The following POLR2F variants were observed in gnomAD, a reference collection of about 807,000 sequenced individuals.
POLR2F encodes RNA polymerase II, I and III subunit F.
In POLR2F, 12 loss-of-function variants were observed where a neutral mutation model predicts 22.7. The ratio of observed to expected loss-of-function variants is 0.53; its 90% CI spans 0.34 to 0.86. The LOEUF is 0.86. Among genes scored for constraint, POLR2F ranks in the 40% least tolerant of loss-of-function variants. The probability of loss-of-function intolerance (pLI) is 0.02; values close to 1 mark genes in which losing one functional copy is unlikely to be tolerated. For synonymous variants in POLR2F, 57 were observed against 66.0 expected, an observed-to-expected ratio of 0.86 and a Z score of 0.66; for missense variants, 126 against 171.5, an observed-to-expected ratio of 0.73 and a Z score of 1.48.
chr22:38,040,904 G>A, intron 5 of POLR2F: 1 of 1,071,438 alleles, frequency 9.3e-7, no homozygotes. Context: ...GAACATGGGG[G>A]CAAGGACCCT....
downstream of POLR2F, chr22:37,973,675 G>A (rs761005399): frequency 1.5e-5 from 24 of 1,613,012 alleles, no homozygotes; most frequent in Non-Finnish European, 1.9e-5. Context: ...AGGGTCCTGA[G>A]GGCTGATGGT....
At chr22:37,977,948 G>C in intron 4 of POLR2F, 1 of 1,612,642 alleles carries the variant, frequency 6.2e-7, no homozygotes, top group South Asian at 1.1e-5. Flanking sequence ...CTCTTGTAGT[G>C]GGCCTGGATG....
At chr22:38,027,746 C>G (rs1268106696), downstream of POLR2F, among the ~76,000 whole-genome samples, 1 of 152,186 alleles carries the variant, frequency 6.6e-6, no homozygotes, top group African/African-American at 2.4e-5. Flanking sequence ...GTCTGCTCCT[C>G]CCCATCCTCA....
chr22:37,972,157 G>A (rs1400668298), downstream of POLR2F: 3 of 639,742 alleles, frequency 4.7e-6, no homozygotes, highest in Non-Finnish European at 7.4e-6. Flanking sequence ...GGGAGGGGAA[G>A]GGGGTGGGGA....
intron 1 of POLR2F, among the ~76,000 whole-genome samples, chr22:38,019,403 G>C (rs2084941441): frequency 6.6e-6 from 1 of 152,178 alleles, no homozygotes; most frequent in Non-Finnish European, 1.5e-5. Context: ...GACACTCCAG[G>C]AGCAGCCCGC....
intron 1 of POLR2F, among the ~76,000 whole-genome samples, chr22:38,015,452 G>A (rs532393621): frequency 6.6e-6 from 1 of 152,188 alleles, no homozygotes; most frequent in Non-Finnish European, 1.5e-5. Context: ...TGATCTGGGG[G>A]AAGGAAGACA....
chr22:37,970,651 A>C (rs1156944050), downstream of POLR2F: 1 of 151,042 alleles, frequency 6.6e-6, no homozygotes, highest in Non-Finnish European at 1.5e-5. Flanking sequence ...TAGGACTGAC[A>C]GTGGAGAGAG....
downstream of POLR2F, among the ~76,000 whole-genome samples, chr22:38,031,252 G>A (rs1015428442): frequency 6.6e-6 from 1 of 152,050 alleles, no homozygotes; most frequent in Non-Finnish European, 1.5e-5. This position sits in a 1 kb window ranked among gnomAD's most constrained non-coding sequence, Gnocchi z 4.1. Flanking sequence ...TGTAAAATGC[G>A]GACAGTAATA....
rs145728027 is a variant in POLR2F, at chr22:37,956,799, T to C, written c.47T>C (p.Val16Ala). The change falls in exon 2 of 5, where the codon GTG becomes GCG. Residue 16 changes from valine (V) to alanine (A), a missense_variant. Val to Ala is a moderately conservative substitution (Grantham distance 64, BLOSUM62 0). Transcript: ENST00000442738. Reference sequence around the variant, plus strand: ...TTTGATGGCGACGACTTTGATGATGTGGAGGAGGATGAAGGGCTAGATGAC... The same window carrying C: ...TTTGATGGCGACGACTTTGATGATGCGGAGGAGGATGAAGGGCTAGATGAC... ...DNFDGDDFDD[V>A]EEDEGLDDLE... is the part of the protein sequence containing the mutation. The C allele has an allele frequency of 3.7e-5, 60 of 1,614,004 alleles. No individual in the cohort carries two copies. In the African/African-American group the frequency reaches 7.6e-4, roughly 20 times the overall value.
At chr22:37,983,209 C>T, upstream of POLR2F, 3 of 950,362 alleles carry the variant, frequency 3.2e-6, no homozygotes, top group Non-Finnish European at 4.8e-6. The surrounding 1 kb of genome is among the most constrained non-coding windows in gnomAD (Gnocchi z 9.5). Context: ...GAAGGGCGGG[C>T]GCGGCCCCCA....
At chr22:38,027,675 C>T (rs951053074), downstream of POLR2F, among the ~76,000 whole-genome samples, 3 of 152,168 alleles carry the variant, frequency 2.0e-5, no homozygotes, top group African/African-American at 2.4e-5. Context: ...CTCATATGCA[C>T]GTGTGCACAC....
At chr22:37,996,110 G>A (rs2084711339) in intron 1 of POLR2F, among the ~76,000 whole-genome samples, 1 of 152,200 alleles carries the variant, frequency 6.6e-6, no homozygotes, top group Non-Finnish European at 1.5e-5. Context: ...TTCTTCTGGA[G>A]CAGGGACACC....
At chr22:38,009,716 G>A (rs956706648) in intron 1 of POLR2F, among the ~76,000 whole-genome samples, 3 of 151,848 alleles carry the variant, frequency 2.0e-5, no homozygotes, top group Non-Finnish European at 4.4e-5. Context: ...TGCAGTCACT[G>A]TAGATTAATC....
chr22:37,986,598 GCCACT>G lies in POLR2F; in HGVS notation c.120+289_120+293del, dbSNP rs1238677449. The G allele has an allele frequency of 1.4e-6, 1 of 701,116 alleles. No homozygotes were observed. Among genetic ancestry groups the G allele is most frequent in the Non-Finnish European group, 2.6e-6 (1 of 389,896 alleles). The allele number at this position is 701,116 out of a possible 1,614,324, so 43.4% of individuals were successfully genotyped here. A position where few individuals can be genotyped will look rare whatever the true frequency, so the allele number is the denominator to read the frequency against. On this transcript the variant is annotated intron_variant, in intron 1 of 2. Coordinates refer to the POLR2F transcript ENST00000333418. This position sits in a 1 kb window ranked among gnomAD's most constrained non-coding sequence, Gnocchi z 4.7. ...CAGGAAGCCACGCTAGACAGAAGGG[GCCACT>G]CCCTCTCTCTCTCCCTTGTCCCCGC...
chr22:37,986,860 A>G lies in POLR2F; in HGVS notation c.120+548A>G. The G allele has an allele frequency of 2.2e-6, 1 of 452,910 alleles. No homozygotes were observed. The highest frequency in any genetic ancestry group is 4.5e-6 in the Non-Finnish European group (1 of 224,200). The allele number at this position is 452,910 out of a possible 1,614,324, so 28.1% of individuals were successfully genotyped here. On this transcript the variant is annotated intron_variant, in intron 1 of 2. Coordinates refer to the POLR2F transcript ENST00000333418. This position sits in a 1 kb window ranked among gnomAD's most constrained non-coding sequence, Gnocchi z 4.7. ...AGTGCTCTCCAGCAGGCAAGGGTGAAGGACCCATAGTCATTCCTGAAGAGC... is the reference window on the plus strand; with the variant it reads ...AGTGCTCTCCAGCAGGCAAGGGTGAGGGACCCATAGTCATTCCTGAAGAGC...
chr22:37,977,558 G>C (rs1325662583), intron 4 of POLR2F, among the ~76,000 whole-genome samples: 1 of 152,054 alleles, frequency 6.6e-6, no homozygotes, highest in Non-Finnish European at 1.5e-5. Flanking sequence ...CTGACCTCGT[G>C]ATCTGCCCTC....
At position 37,968,574 on chromosome 22, in the gene POLR2F, G is replaced by C; in HGVS notation, c.*859G>C. The C allele has an allele frequency of 1.0e-6, 1 of 985,762 alleles. No homozygotes were observed. The highest frequency in any genetic ancestry group is 1.2e-6 in the Non-Finnish European group (1 of 830,202). The allele number at this position is 985,762 out of a possible 1,614,324, so 61.1% of individuals were successfully genotyped here. A position where few individuals can be genotyped will look rare whatever the true frequency, so the allele number is the denominator to read the frequency against. On this transcript the variant is annotated 3_prime_UTR_variant, in exon 5 of 5. Coordinates refer to ENST00000442738, the MANE Select transcript of POLR2F (RefSeq NM_021974.5). ...CCCTTCCTCTGCCTGAGGTTCTAAT[G>C]GGTCCTCTTCCTTTCTCCACCCTGC...
chr22:37,987,282 T>C (rs1156276418), intron 1 of POLR2F: 1 of 456,736 alleles, frequency 2.2e-6, no homozygotes, highest in Non-Finnish European at 4.4e-6. Context: ...CTGGCTTTTG[T>C]TAAGGCAGGT....
At chr22:38,007,461 A>T (rs2084831576) in intron 1 of POLR2F, among the ~76,000 whole-genome samples, 1 of 152,230 alleles carries the variant, frequency 6.6e-6, no homozygotes, top group Non-Finnish European at 1.5e-5. Flanking sequence ...GGATGTGGCT[A>T]AGGTTGACCT....
Sources: allele counts gnomAD v4.1 joint callset (sites outside exome capture counted in the v4.1 genomes callset), GRCh38; gene constraint gnomAD v4.1.1; non-coding constraint Gnocchi (gnomAD v3.1); transcripts MANE v1.5; gene names NCBI Gene and HGNC (gene_info 2026-07-23, HGNC 2026-07-21).